DNAJC1: variants seen among roughly 807,000 people sequenced by gnomAD.
DNAJC1 encodes dnaJ homolog subfamily C member 1.
In DNAJC1, 58 loss-of-function variants were observed where a neutral mutation model predicts 76.6. That is an observed-to-expected ratio of 0.76 (90% CI 0.61 to 0.94). The LOEUF (loss-of-function observed/expected upper bound fraction) is 0.94. Ranked by LOEUF, DNAJC1 falls within the 40% of genes least tolerant of loss-of-function variation. The pLI is 0.00. For missense variants in DNAJC1, 689 were observed against 677.3 expected (o/e 1.02, Z -0.19); for synonymous variants, 258 against 267.9 (o/e 0.96, Z 0.36).
intron 1 of DNAJC1, among the ~76,000 whole-genome samples, chr10:21,936,061 T>C (rs1837307041): frequency 6.6e-6 from 1 of 152,178 alleles, no homozygotes; most frequent in Non-Finnish European, 1.5e-5. Context: ...TTTGCATCCC[T>C]CCAAAACTCA....
chr10:21,787,348 G>GGAGGAGGAAGGAGGGGAAGGAGAGGAA (rs1429236476), intron 9 of DNAJC1, among the ~76,000 whole-genome samples: 12 of 151,060 alleles, frequency 7.9e-5, no homozygotes, highest in Non-Finnish European at 1.2e-4. Flanking sequence ...AAAAGGAGGA[G>GGAGGAGGAAGGAGGGGAAGGAGAGGAA]GAGGAGGAAG....
chr10:21,815,976 T>G (rs1268467688), intron 8 of DNAJC1, among the ~76,000 whole-genome samples: 2 of 151,124 alleles, frequency 1.3e-5, no homozygotes, highest in African/African-American at 2.4e-5. Context: ...ACTCCTGACC[T>G]CAAGTGATCC....
At chr10:21,900,475 T>C (rs1210405548) in intron 7 of DNAJC1, among the ~76,000 whole-genome samples, 4 of 152,190 alleles carry the variant, frequency 2.6e-5, no homozygotes, top group Non-Finnish European at 5.9e-5. Context: ...CTGCATTATA[T>C]TTGTACATAC....
intron 1 of DNAJC1, among the ~76,000 whole-genome samples, chr10:21,953,845 A>G (rs12774434): frequency 2.7e-5 from 4 of 146,624 alleles, no homozygotes. Flanking sequence ...AAAAAAAAAA[A>G]GAAGAGGAAA....
At chr10:21,806,521 AAC>A (rs1834885467) in intron 8 of DNAJC1, among the ~76,000 whole-genome samples, 1 of 151,908 alleles carries the variant, frequency 6.6e-6, no homozygotes, top group South Asian at 2.1e-4. Flanking sequence ...TTTTTTTTTA[AAC>A]ACACACTTTA....
At chr10:21,936,312 T>C (rs1837311106) in intron 1 of DNAJC1, among the ~76,000 whole-genome samples, 1 of 152,208 alleles carries the variant, frequency 6.6e-6, no homozygotes, top group Non-Finnish European at 1.5e-5. Context: ...GAGCAACAAA[T>C]TTCTGTTGTT....
intron 8 of DNAJC1, among the ~76,000 whole-genome samples, chr10:21,810,968 C>CA (rs1834955541): frequency 2.6e-5 from 4 of 152,178 alleles, no homozygotes; most frequent in African/African-American, 4.8e-5. Context: ...CAAAGGGACC[C>CA]AATACAGTTT....
At chr10:21,985,958 T>C (rs562419262) in intron 1 of DNAJC1, among the ~76,000 whole-genome samples, 1 of 151,848 alleles carries the variant, frequency 6.6e-6, no homozygotes, top group South Asian at 2.1e-4. Flanking sequence ...CCGGGCACGG[T>C]GGCTCACGCC....
intron 1 of DNAJC1, among the ~76,000 whole-genome samples, chr10:21,990,929 A>C (rs1164662482): frequency 1.3e-5 from 2 of 152,164 alleles, no homozygotes; most frequent in African/African-American, 2.4e-5. Flanking sequence ...TCGTTAATTA[A>C]TCATTCAGTT....
intron 1 of DNAJC1, among the ~76,000 whole-genome samples, chr10:21,958,163 A>T (rs1021764928): frequency 2.6e-5 from 4 of 152,192 alleles, no homozygotes; most frequent in African/African-American, 4.8e-5. Flanking sequence ...TAATGGAGTT[A>T]AAAAGTTCAA....
chr10:21,804,555 G>C (rs1429305078), intron 9 of DNAJC1, among the ~76,000 whole-genome samples: 1 of 149,838 alleles, frequency 6.7e-6, no homozygotes, highest in East Asian at 2.0e-4. Flanking sequence ...CCTTAAAACC[G>C]AGATAATAAA....
At chr10:21,887,937 G>A (rs1415980088) in intron 7 of DNAJC1, among the ~76,000 whole-genome samples, 1 of 152,040 alleles carries the variant, frequency 6.6e-6, no homozygotes, top group Non-Finnish European at 1.5e-5. Context: ...TATCGACAGA[G>A]TAAAAAGACA....
chr10:21,820,907 G>A (rs756429386), intron 8 of DNAJC1, among the ~76,000 whole-genome samples: 10 of 152,128 alleles, frequency 6.6e-5, no homozygotes, highest in African/African-American at 2.4e-4. Flanking sequence ...TTCTGGGCAC[G>A]CCACCCTCCA....
chr10:21,864,403 C>T (rs1264889120), intron 8 of DNAJC1, among the ~76,000 whole-genome samples: 1 of 152,058 alleles, frequency 6.6e-6, no homozygotes, highest in Non-Finnish European at 1.5e-5. Flanking sequence ...AGGTGGATCA[C>T]GAGGTCAGGA....
chr10:21,760,128 A>G (rs1834224338), intron 10 of DNAJC1, among the ~76,000 whole-genome samples: 1 of 152,194 alleles, frequency 6.6e-6, no homozygotes, highest in African/African-American at 2.4e-5. Flanking sequence ...TTTATTAAAA[A>G]GTTTATTAGC....
chr10:21,872,709 G>A (rs1430831520), intron 8 of DNAJC1, among the ~76,000 whole-genome samples: 1 of 152,208 alleles, frequency 6.6e-6, no homozygotes, highest in Non-Finnish European at 1.5e-5. Context: ...AACAATGGAA[G>A]TGCCAGAAGG....
chr10:21,837,726 T>G (rs1835489347), intron 8 of DNAJC1, among the ~76,000 whole-genome samples: 1 of 148,714 alleles, frequency 6.7e-6, no homozygotes, highest in African/African-American at 2.5e-5. Flanking sequence ...AGCCGCCCCG[T>G]CCGGGAAGTG....
chr10:21,936,517 T>C (rs915280181), intron 1 of DNAJC1, among the ~76,000 whole-genome samples: 3 of 152,232 alleles, frequency 2.0e-5, no homozygotes, highest in African/African-American at 7.2e-5. Flanking sequence ...TCTATGTCTA[T>C]GGCAGACATT....
chr10:21,873,002 T>C (rs1291397625), intron 8 of DNAJC1, among the ~76,000 whole-genome samples: 1 of 152,232 alleles, frequency 6.6e-6, no homozygotes, highest in Non-Finnish European at 1.5e-5. Flanking sequence ...TAACCGGTTA[T>C]GTTATCTATA....
Sources: allele counts gnomAD v4.1 joint callset (sites outside exome capture counted in the v4.1 genomes callset), GRCh38; gene constraint gnomAD v4.1.1; transcripts MANE v1.5; gene names NCBI Gene and HGNC (gene_info 2026-07-23, HGNC 2026-07-21).